Variants in CCNYL1 observed in about 807,000 individuals in gnomAD.
The protein encoded by CCNYL1 is cyclin-Y-like protein 1.
In CCNYL1, 16 loss-of-function variants were observed where a neutral mutation model predicts 44.2. The ratio of observed to expected loss-of-function variants is 0.36; its 90% CI spans 0.25 to 0.55. The LOEUF is 0.55. CCNYL1 is among the 20% of genes least tolerant of loss of function. The pLI is 0.85. For missense variants in CCNYL1, 348 were observed against 451.8 expected (o/e 0.77, Z 2.08); for synonymous variants, 159 against 163.2 (o/e 0.97, Z 0.20).
intron 1 of CCNYL1, among the ~76,000 whole-genome samples, chr2:207,723,200 G>C (rs1484655869): frequency 1.3e-5 from 2 of 152,108 alleles, no homozygotes. Flanking sequence ...AGTTGGTTTA[G>C]GTATGTAAGT....
intron 1 of CCNYL1, among the ~76,000 whole-genome samples, chr2:207,721,734 G>GT (rs59024332): frequency 0.022 from 3,138 of 141,098 alleles, 43 homozygotes; most frequent in Non-Finnish European, 0.03. Context: ...GGAGTTTTTT[G>GT]TTTTTTTTTT....
chr2:207,720,066 T>TA (rs2091628534), intron 1 of CCNYL1, among the ~76,000 whole-genome samples: 2 of 151,642 alleles, frequency 1.3e-5, no homozygotes, highest in African/African-American at 4.8e-5. Flanking sequence ...CACATGCCTG[T>TA]AGTCCCAGCT....
chr2:207,718,376 C>T (rs1016747628), intron 1 of CCNYL1, among the ~76,000 whole-genome samples: 4 of 151,944 alleles, frequency 2.6e-5, no homozygotes, highest in African/African-American at 9.7e-5. Context: ...GGTGTGGTGG[C>T]ACACACCCAT....
chr2:207,715,926 T>C (rs1421924616), intron 1 of CCNYL1, among the ~76,000 whole-genome samples: 2 of 152,050 alleles, frequency 1.3e-5, no homozygotes, highest in Non-Finnish European at 2.9e-5. Flanking sequence ...TCCACCTGTC[T>C]CAACCTCCCA....
At position 207,711,645 on chromosome 2, in the gene CCNYL1, C is replaced by G. The variant is rs2091547431; in HGVS notation, c.-252C>G. On this transcript the variant is annotated 5_prime_UTR_variant, in exon 1 of 10. Coordinates refer to ENST00000295414, the MANE Select transcript of CCNYL1 (RefSeq NM_001330218.2). ...CCGGGCTGGTCACCGCCCTCGCAGA[C>G]GAGTCAGCTTAAGGGAGGCGGCGGC... 6.5e-6 allele frequency: 1 copy of G among 154,020 alleles called. No individual in the cohort carries two copies. The highest frequency in any genetic ancestry group is 1.4e-5 in the Non-Finnish European group (1 of 69,330). The allele number at this position is 154,020 out of a possible 1,614,324, so 9.5% of individuals were successfully genotyped here. A position where few individuals can be genotyped will look rare whatever the true frequency, so the allele number is the denominator to read the frequency against.
rs192647583 is a variant in CCNYL1 at position 207,739,496 on chromosome 2, C to G, written c.468-1159C>G. On this transcript the variant is annotated intron_variant, in intron 5 of 9. Coordinates refer to ENST00000295414, the MANE Select transcript of CCNYL1 (RefSeq NM_001330218.2). ...CCACCCGCCTCAGCCTCCCAAGGTG[C>G]TGGGATTATAGGCATGAGCCACCAC... Among the ~76,000 whole-genome samples the G allele has an allele frequency of 9.8e-4, 150 of 152,316 alleles. No homozygotes were observed. The Middle Eastern group carries it at 0.01, about 10-fold the overall frequency.
At position 207,753,830 on chromosome 2, in the gene CCNYL1, C is replaced by G; in HGVS notation, c.*132C>G. On this transcript the variant is annotated 3_prime_UTR_variant, in exon 10 of 10. Transcript: ENST00000295414. ...GGAAAGATCTCAAATTCAAGAGACT[C>G]ATGGACAACAAGGATTATACTCCAC... 1 of 603,898 alleles carries G rather than the reference C, an allele frequency of 1.7e-6. No individual in the cohort carries two copies. The highest frequency in any genetic ancestry group is 2.9e-6 in the Non-Finnish European group (1 of 339,738). 37.4% of individuals were successfully genotyped at this position (603,898 alleles called of 1,614,324 possible). A position where few individuals can be genotyped will look rare whatever the true frequency, so the allele number is the denominator to read the frequency against.
chr2:207,716,335 CTCTCT>C (rs1208159998), intron 1 of CCNYL1, among the ~76,000 whole-genome samples: 2 of 141,038 alleles, frequency 1.4e-5, no homozygotes, highest in Non-Finnish European at 3.1e-5. Flanking sequence ...ATTTTAAGCC[CTCTCT>C]TTTTTTTTTT....
intron 3 of CCNYL1, among the ~76,000 whole-genome samples, chr2:207,728,368 T>G (rs1463668746): frequency 6.6e-6 from 1 of 151,622 alleles, no homozygotes; most frequent in African/African-American, 2.4e-5. Flanking sequence ...CTTAACCTAC[T>G]GGGCTCAAGT....
intron 4 of CCNYL1, among the ~76,000 whole-genome samples, chr2:207,736,984 C>T (rs1161684702): frequency 1.3e-5 from 2 of 150,998 alleles, no homozygotes; most frequent in South Asian, 2.1e-4. Flanking sequence ...GGCACGATCT[C>T]GGCTCACTGC....
Position 207,711,996 on chromosome 2 carries a change from G to A in CCNYL1, c.100G>A (p.Glu34Lys), listed in dbSNP as rs751690935. ...GCTGTACTGCGCGTCCGACATCTAC[G>A]AGGCGGTGTCCGGGGACGCGGTGGC... ...AELYCASDIY[E>K]AVSGDAVAVA... The change falls in exon 1 of 10, where the codon GAG becomes AAG. Residue 34 changes from glutamate to lysine, a missense_variant. This residue lies in a region of CCNYL1 where 209 missense variants were observed against 247.7 expected (regional missense o/e 0.84). Transcript: ENST00000295414. 1.4e-6 allele frequency: 2 copies of A among 1,467,918 alleles called. No individual in the cohort carries two copies. Among genetic ancestry groups the A allele is most frequent in the Non-Finnish European group, 9.0e-7 (1 of 1,108,736 alleles). The allele number at this position is 1,467,918 out of a possible 1,614,324, so 90.9% of individuals were successfully genotyped here.
chr2:207,736,393 A>G (rs773758272), intron 4 of CCNYL1, among the ~76,000 whole-genome samples: 4 of 152,224 alleles, frequency 2.6e-5, no homozygotes, highest in Non-Finnish European at 5.9e-5. Flanking sequence ...GTTTCCTGAT[A>G]CACAACATCT....
intron 5 of CCNYL1, among the ~76,000 whole-genome samples, chr2:207,738,921 T>C (rs908817662): frequency 6.6e-6 from 1 of 152,096 alleles, no homozygotes; most frequent in Non-Finnish European, 1.5e-5. Flanking sequence ...TGTTTCACCA[T>C]GTTGCCCAGG....
At chr2:207,713,057 G>T (rs1395544107) in intron 1 of CCNYL1, among the ~76,000 whole-genome samples, 1 of 151,764 alleles carries the variant, frequency 6.6e-6, no homozygotes, top group Admixed American at 6.6e-5. Flanking sequence ...TTCTTGATCC[G>T]CCCGCCTCGG....
chr2:207,712,226 G>A, intron 1 of CCNYL1, 110 bp downstream of exon 1: 6 of 883,720 alleles, frequency 6.8e-6, no homozygotes, highest in South Asian at 1.7e-5. Flanking sequence ...GCCGGTAGCC[G>A]GCCCCGGGAC....
chr2:207,754,368 ACTT>A lies in CCNYL1; in HGVS notation c.*673_*675del, dbSNP rs150825491. 4.2e-4 allele frequency: 64 copies of A among 152,758 alleles called. No homozygotes were observed. Among genetic ancestry groups the A allele is most frequent in the African/African-American group, 1.5e-3 (62 of 41,574 alleles). 9.5% of individuals were successfully genotyped at this position (152,758 alleles called of 1,614,324 possible). On this transcript the variant is annotated 3_prime_UTR_variant, in exon 10 of 10. Coordinates refer to ENST00000295414, the MANE Select transcript of CCNYL1 (RefSeq NM_001330218.2). Reference sequence around the variant, plus strand: ...GAGGAAGTATCAGTTATTGATATCTACTTCTATTGGAGTCCATGTTGCATTTCT... The same window carrying A: ...GAGGAAGTATCAGTTATTGATATCTACTATTGGAGTCCATGTTGCATTTCT...
chr2:207,724,694 C>A, intron 1 of CCNYL1, 106 bp from the exon 2 acceptor site: 3 of 798,756 alleles, frequency 3.8e-6, no homozygotes, highest in Non-Finnish European at 6.2e-6. Context: ...TTACTAAAAA[C>A]TTCTCTGAAG....
At chr2:207,719,559 C>G (rs1346197655) in intron 1 of CCNYL1, among the ~76,000 whole-genome samples, 2 of 152,150 alleles carry the variant, frequency 1.3e-5, no homozygotes, top group Non-Finnish European at 2.9e-5. Flanking sequence ...CCTCAGCCTC[C>G]CAAAATGCTG....
intron 1 of CCNYL1, among the ~76,000 whole-genome samples, chr2:207,718,469 C>T (rs2091614214): frequency 6.6e-6 from 1 of 151,864 alleles, no homozygotes; most frequent in Non-Finnish European, 1.5e-5. Flanking sequence ...GATTGCTCCA[C>T]TGCCCTCCAG....
Sources: gnomAD v4.1 joint callset for allele counts (sites outside exome capture counted in the v4.1 genomes callset) on GRCh38, gnomAD v4.1.1 for gene constraint, gnomAD v4.1.1 regional missense constraint, MANE v1.5 for transcripts, NCBI Gene and HGNC (gene_info 2026-07-23, HGNC 2026-07-21) for gene names.